TOP3A: variants seen among roughly 807,000 people sequenced by gnomAD.
TOP3A encodes the protein DNA topoisomerase III alpha.
TOP3A carries 64 observed loss-of-function variants against 111.3 expected under a neutral mutation model. That is an observed-to-expected ratio of 0.57 (90% confidence interval 0.47 to 0.71). The LOEUF is 0.71. Among genes scored for constraint, TOP3A ranks in the 30% least tolerant of loss-of-function variants. TOP3A has a pLI of 0.00. For missense variants in TOP3A, 1,104 were observed against 1,285.0 expected (o/e 0.86, Z 2.15); for synonymous variants, 484 against 485.1 (o/e 1.00, Z 0.03).
chr17:18,290,486 G>C, intron 13 of TOP3A, 71 bp downstream of exon 13: 1 of 1,422,680 alleles, frequency 7.0e-7, no homozygotes, highest in Non-Finnish European at 9.3e-7. Context: ...TTGAAGACTA[G>C]AGGAAACCTG....
At chr17:18,282,636 A>C (rs769876619) in intron 16 of TOP3A, 62 bp downstream of exon 16, 58 of 1,603,806 alleles carry the variant, frequency 3.6e-5, no homozygotes, top group Non-Finnish European at 4.8e-5. Context: ...GGGTCTTTCG[A>C]GCTACGGCTG....
chr17:18,305,847 C>T (rs1463821877), intron 4 of TOP3A, among the ~76,000 whole-genome samples: 1 of 151,692 alleles, frequency 6.6e-6, no homozygotes, highest in Non-Finnish European at 1.5e-5. Flanking sequence ...CAAAACAAAA[C>T]AAAACAAAAC....
chr17:18,287,868 C>A (rs1355229860), intron 13 of TOP3A, among the ~76,000 whole-genome samples: 1 of 151,354 alleles, frequency 6.6e-6, no homozygotes, highest in Admixed American at 6.6e-5. Context: ...TGTGGTGGTG[C>A]GTGCCTGTAA....
rs895636257 is a variant in TOP3A, at chr17:18,272,115, G to A, written c.*2687C>T. 3.3e-5 allele frequency among the ~76,000 whole-genome samples: 5 copies of A among 152,192 alleles called. No individual in the cohort carries two copies. In the East Asian group the frequency reaches 9.7e-4, roughly 29 times the overall value. On this transcript the variant is annotated 3_prime_UTR_variant, in exon 19 of 19. Transcript: ENST00000321105. ...AAAAAATGGGTGAAGAACTTAAATC[G>A]ACATTCTCCAAAGAATGTATACCAA...
rs1259740996 is a variant in TOP3A, at chr17:18,305,167, G to A, written c.444C>T (p.Asp148=). The A allele has an allele frequency of 1.8e-5, 29 of 1,614,090 alleles. No homozygotes were observed. Among genetic ancestry groups the A allele is most frequent in the Non-Finnish European group, 2.3e-5 (27 of 1,180,048 alleles). The stretch of plus-strand genomic sequence containing the variant: ...CGATGTTTTCGCCTTCTCTATCACA[G>A]TCAGTCCAGATCACCAGAGCCTGGC... ...RQCQALVIWT[D]CDREGENIGF... Residue 148 remains aspartate, a synonymous_variant, in exon 5 of 19, where the codon GAC becomes GAT. Transcript: ENST00000321105.
rs758262580 is a variant in TOP3A at position 18,291,007 on chromosome 17, G to A, written c.1302C>T (p.Tyr434=). The A allele has an allele frequency of 1.3e-5, 21 of 1,613,994 alleles. No homozygotes were observed. In the South Asian group the frequency reaches 1.9e-4, roughly 14 times the overall value. Residue 434 remains tyrosine, a synonymous_variant, in exon 12 of 19, where the codon TAC becomes TAT. Coordinates refer to ENST00000321105, the MANE Select transcript of TOP3A (RefSeq NM_004618.5). ...NNLQGDEQRL[Y]EFIVRHFLAC... The stretch of plus-strand genomic sequence containing the variant: ...CCAGGAAATGGCGAACAATAAACTC[G>A]TACAGTCGCTGTTCATCTCCCTAGG...
rs556752873 is a variant in TOP3A at position 18,314,054 on chromosome 17, G to C, written c.180+545C>G. Among the ~76,000 whole-genome samples the C allele has an allele frequency of 2.0e-5, 3 of 152,244 alleles. No homozygotes were observed. The South Asian group carries it at 6.2e-4, about 32-fold the overall frequency. On this transcript the variant is annotated intron_variant, in intron 1 of 18. Coordinates refer to ENST00000321105, the MANE Select transcript of TOP3A (RefSeq NM_004618.5). ...GAATCAGTTCATTCGGGTAGGAACA[G>C]GGCTGACTTCAAATCTAATCCCCAA...
rs1163557781 is a variant in TOP3A, at chr17:18,278,083, C to T, written c.2419G>A (p.Glu807Lys). Reference sequence around the variant, plus strand: ...CAGTTGCAGGTCACAGAATTGCTTTCACCAGCAGCCGTGGGTGGTGGGAGG... The same window carrying T: ...CAGTTGCAGGTCACAGAATTGCTTTTACCAGCAGCCGTGGGTGGTGGGAGG... Reference protein sequence around the residue: ...QTLPPPTAAGESNSVTCNCGQ... With the variant: ...QTLPPPTAAGKSNSVTCNCGQ... Residue 807 changes from glutamate (E) to lysine (K), a missense_variant, in exon 18 of 19, where the codon GAA (glutamate) becomes AAA (lysine). Physicochemically the swap from Glu to Lys is moderately conservative, Grantham distance 56 (BLOSUM62 1). Transcript: ENST00000321105. The T allele has an allele frequency of 1.9e-6, 3 of 1,614,248 alleles. No individual in the cohort carries two copies. Among genetic ancestry groups the T allele is most frequent in the South Asian group, 1.1e-5 (1 of 91,090 alleles).
chr17:18,282,908 T>A, intron 15 of TOP3A, 67 bp from the exon 16 acceptor site: 1 of 1,593,154 alleles, frequency 6.3e-7, no homozygotes, highest in Non-Finnish European at 8.5e-7. Context: ...ACAACACTCT[T>A]ACATGCACAC....
intron 13 of TOP3A, among the ~76,000 whole-genome samples, chr17:18,287,787 G>GT (rs1184589603): frequency 2.0e-5 from 3 of 152,180 alleles, no homozygotes; most frequent in Middle Eastern, 3.4e-3. Context: ...GAGGTCAGGA[G>GT]TTTGAGACCA....
chr17:18,308,192 A>G, intron 3 of TOP3A, 159 bp downstream of exon 3: 1 of 456,740 alleles, frequency 2.2e-6, no homozygotes, highest in Non-Finnish European at 3.8e-6. Flanking sequence ...AGCCTGGGAG[A>G]CAGAGTCTCA....
chr17:18,277,907 T>A lies in TOP3A; in HGVS notation c.2595A>T (p.Arg865Ser). Reference sequence around the variant, plus strand: ...GGCATCCCAGGGAGGCGCCCAGGGGTCTATATGCCAAGGCAGGAGGCCCTC... The same window carrying A: ...GGCATCCCAGGGAGGCGCCCAGGGGACTATATGCCAAGGCAGGAGGCCCTC... ...GAGGPPALAY[R>S]PLGASLGCPP... The change falls in exon 18 of 19, where the codon AGA becomes AGT. Residue 865 changes from arginine (R) to serine (S), a missense_variant. By Grantham distance (110) the Arg-to-Ser change is moderately radical. Coordinates refer to ENST00000321105, the MANE Select transcript of TOP3A (RefSeq NM_004618.5). 1.2e-6 allele frequency: 2 copies of A among 1,613,654 alleles called. No individual in the cohort carries two copies. Among genetic ancestry groups the A allele is most frequent in the Non-Finnish European group, 1.7e-6 (2 of 1,179,952 alleles).
chr17:18,288,149 A>ATATATAT (rs1301508954), intron 13 of TOP3A, among the ~76,000 whole-genome samples: 16 of 121,886 alleles, frequency 1.3e-4, no homozygotes, highest in African/African-American at 5.1e-4. Context: ...ATATATATAT[A>ATATATAT]AATTTTTTTT....
intron 18 of TOP3A, among the ~76,000 whole-genome samples, chr17:18,275,308 A>C: frequency 6.6e-6 from 1 of 150,504 alleles, no homozygotes; most frequent in Admixed American, 6.6e-5. Flanking sequence ...AAAAAAAAAA[A>C]AAAAAAAAGA....
chr17:18,308,864 A>G lies in TOP3A; in HGVS notation c.240+18T>C. On this transcript the variant is annotated intron_variant, in intron 2 of 18. Coordinates refer to ENST00000321105, the MANE Select transcript of TOP3A (RefSeq NM_004618.5). ...CTTGCTTATGATTGAAATATTTTAG[A>G]AATATTTTAGCACCTACCTGGCCAT... 1 of 1,502,126 alleles carries G rather than the reference A, an allele frequency of 6.7e-7. No individual in the cohort carries two copies. The highest frequency in any genetic ancestry group is 2.0e-5 in the Admixed American group (1 of 50,400). 93.0% of individuals were successfully genotyped at this position (1,502,126 alleles called of 1,614,324 possible). A position where few individuals can be genotyped will look rare whatever the true frequency, so the allele number is the denominator to read the frequency against.
intron 5 of TOP3A, 36 bp downstream of exon 5, chr17:18,305,076 A>G: frequency 6.4e-7 from 1 of 1,557,026 alleles, no homozygotes; most frequent in Non-Finnish European, 8.9e-7. Flanking sequence ...ATGGAGTTCC[A>G]AAGTAGAGAA....
intron 5 of TOP3A, 60 bp from the exon 6 acceptor site, chr17:18,302,783 G>C: frequency 6.4e-7 from 1 of 1,564,466 alleles, no homozygotes; most frequent in Non-Finnish European, 8.7e-7. Context: ...CCATCATAAA[G>C]GACTCACTTT....
intron 9 of TOP3A, among the ~76,000 whole-genome samples, chr17:18,298,383 GGGGGTC>G (rs1980992917): frequency 6.9e-6 from 1 of 145,168 alleles, no homozygotes; most frequent in Non-Finnish European, 1.5e-5. Flanking sequence ...AGGGAGGTGG[GGGGGTC>G]AGCCCCCCAC....
Position 18,302,381 on chromosome 17 carries a change from C to T in TOP3A, c.697G>A (p.Val233Met), listed in dbSNP as rs780803560. 5 of 1,613,212 alleles carry T rather than the reference C, an allele frequency of 3.1e-6. No individual in the cohort carries two copies. Among genetic ancestry groups the T allele is most frequent in the Non-Finnish European group, 4.2e-6 (5 of 1,180,018 alleles). ...TAACTGATGAGCTGCTCTGCCAGCA[C>T]CTCAGGAAAAATCCTCTGAAGCCGC... Reference protein sequence around the residue: ...TLRLQRIFPEVLAEQLISYGS... With the variant: ...TLRLQRIFPEMLAEQLISYGS... The change falls in exon 7 of 19, where the codon GTG (valine) becomes ATG (methionine). Residue 233 changes from valine to methionine, a missense_variant. Physicochemically the swap from Val to Met is conservative, Grantham distance 21 (BLOSUM62 1). Transcript: ENST00000321105.
Sources: allele counts gnomAD v4.1 joint callset (sites outside exome capture counted in the v4.1 genomes callset), GRCh38; gene constraint gnomAD v4.1.1; transcripts MANE v1.5; gene names NCBI Gene and HGNC (gene_info 2026-07-23, HGNC 2026-07-21).